ARPP21: variants seen among roughly 807,000 people sequenced by gnomAD.
ARPP21 encodes cAMP regulated phosphoprotein 21.
A neutral mutation model predicts 113.2 loss-of-function variants in ARPP21; 69 were observed. The ratio of observed to expected loss-of-function variants is 0.61; its 90% CI spans 0.50 to 0.74. The LOEUF is 0.74. ARPP21 is among the 30% of genes least tolerant of loss of function. ARPP21 has a pLI of 0.00. For missense variants in ARPP21, 1,070 were observed against 1,037.4 expected, an observed-to-expected ratio of 1.03 and a Z score of -0.43; for synonymous variants, 368 against 375.5, an observed-to-expected ratio of 0.98 and a Z score of 0.23.
chr3:35,686,219 C>T (rs1015236277), intron 5 of ARPP21, among the ~76,000 whole-genome samples: 2 of 151,576 alleles, frequency 1.3e-5, no homozygotes, highest in Non-Finnish European at 3.0e-5. Flanking sequence ...CAGAAATGTC[C>T]CAGTGATTTC....
chr3:35,746,582 C>A (rs1056850025), intron 19 of ARPP21, among the ~76,000 whole-genome samples: 1 of 152,204 alleles, frequency 6.6e-6, no homozygotes, highest in Non-Finnish European at 1.5e-5. Flanking sequence ...CTCCTGCCTC[C>A]TGCAGCTGTG....
intron 19 of ARPP21, among the ~76,000 whole-genome samples, chr3:35,746,562 C>T (rs868790043): frequency 6.6e-6 from 1 of 152,210 alleles, no homozygotes; most frequent in Non-Finnish European, 1.5e-5. Context: ...CATGTTTTAA[C>T]TTGTTCTTCC....
chr3:35,728,220 T>C (rs1453141389), intron 14 of ARPP21, among the ~76,000 whole-genome samples: 1 of 140,176 alleles, frequency 7.1e-6, no homozygotes, highest in Non-Finnish European at 1.6e-5. Flanking sequence ...CTTGCCTTTT[T>C]TTTTTTTTTT....
At chr3:35,704,668 GA>G (rs1329791454) in intron 9 of ARPP21, among the ~76,000 whole-genome samples, 1 of 151,814 alleles carries the variant, frequency 6.6e-6, no homozygotes, top group Non-Finnish European at 1.5e-5. Context: ...ATAATTATAG[GA>G]TTTAAAATTT....
At chr3:35,728,986 T>A (rs2093754486) in intron 14 of ARPP21, among the ~76,000 whole-genome samples, 1 of 152,144 alleles carries the variant, frequency 6.6e-6, no homozygotes, top group African/African-American at 2.4e-5. Context: ...AGGAGGGATT[T>A]TTCAGGTACT....
chr3:35,780,021 A>AT (rs945120839), intron 19 of ARPP21, among the ~76,000 whole-genome samples: 5 of 152,140 alleles, frequency 3.3e-5, no homozygotes, highest in African/African-American at 1.2e-4. Flanking sequence ...GTCTGTCCAG[A>AT]TTTTTTTACA....
chr3:35,737,270 C>A lies in ARPP21; in HGVS notation c.1552C>A (p.Gln518Lys). 1 of 1,612,658 alleles carries A rather than the reference C, an allele frequency of 6.2e-7. No homozygotes were observed. The change falls in exon 16 of 21, where the codon CAA becomes AAA. Residue 518 changes from glutamine (Q) to lysine (K), a missense_variant. Physicochemically the swap from Gln to Lys is moderately conservative, Grantham distance 53. Transcript: ENST00000684406. ...PLRSAMVGQS[Q>K]QQPPQQQPSP... ...GCGAAGCGCCATGGTGGGGCAGTCC[C>A]AACAGCAGCCACCACAGCAGCAGCC...
chr3:35,683,869 G>A, intron 5 of ARPP21, 54 bp downstream of exon 5: 1 of 961,642 alleles, frequency 1.0e-6, no homozygotes, highest in Non-Finnish European at 1.7e-6. Flanking sequence ...ACCTTTGTGT[G>A]CATGACTCTT....
In ARPP21 at chr3:35,640,223, C is replaced by CA. The variant is rs1014973818; in HGVS notation, c.-384dup. 5.3e-5 allele frequency: 8 copies of CA among 152,046 alleles called. No homozygotes were observed. Among genetic ancestry groups the CA allele is most frequent in the African/African-American group, 1.9e-4 (8 of 41,156 alleles). 9.4% of individuals were successfully genotyped at this position (152,046 alleles called of 1,614,324 possible). On this transcript the variant is annotated 5_prime_UTR_variant, in exon 1 of 21. Transcript: ENST00000684406. Reference sequence around the variant, plus strand: ...AGCAGTTAAATAAATCGACCAAAAACAAAACAAACAAACAAACCCAACAAC... The same window carrying CA: ...AGCAGTTAAATAAATCGACCAAAAACAAAAACAAACAAACAAACCCAACAAC...
Position 35,773,387 on chromosome 3 carries a change from G to A in ARPP21, c.2138-18995G>A, listed in dbSNP as rs190197358. The stretch of plus-strand genomic sequence containing the variant: ...TTGGCAGGGGAAGTAACTGCCGTAG[G>A]ATATACAAGGAGTCTGTCTTAAAGA... On this transcript the variant is annotated intron_variant, in intron 19 of 20. Coordinates refer to ENST00000684406, the MANE Select transcript of ARPP21 (RefSeq NM_001385562.1). Among the ~76,000 whole-genome samples, 713 of 152,208 alleles carry A rather than the reference G, an allele frequency of 4.7e-3. 7 individuals are homozygous for A. Among genetic ancestry groups the A allele is most frequent in the African/African-American group, 0.016 (682 of 41,518 alleles).
intron 15 of ARPP21, among the ~76,000 whole-genome samples, chr3:35,730,357 G>A (rs1021727344): frequency 1.7e-4 from 26 of 152,194 alleles, no homozygotes; most frequent in Admixed American, 7.9e-4. Flanking sequence ...AGGCCATTCC[G>A]CAATATCTGG....
At chr3:35,764,966 A>G (rs1044794137) in intron 19 of ARPP21, among the ~76,000 whole-genome samples, 1 of 152,220 alleles carries the variant, frequency 6.6e-6, no homozygotes, top group Middle Eastern at 3.4e-3. Flanking sequence ...TATTCCATTG[A>G]TTAAATGTGA....
Position 35,792,407 on chromosome 3 carries a change from A to G in ARPP21, c.2163A>G (p.Gln721=), listed in dbSNP as rs200852825. The G allele has an allele frequency of 1.9e-6, 3 of 1,614,066 alleles. No individual in the cohort carries two copies. Among genetic ancestry groups the G allele is most frequent in the Non-Finnish European group, 1.7e-6 (2 of 1,179,912 alleles). ...GTTACCAGCCAGTCTTGTCTGGTCA[A>G]CAGGGATTCCAAGGCCTAATAGGAG... ...QAGYQPVLSG[Q]QGFQGLIGVQ... The change falls in exon 20 of 21, where the codon CAA becomes CAG. Residue 721 remains glutamine, a synonymous_variant. Coordinates refer to ENST00000684406, the MANE Select transcript of ARPP21 (RefSeq NM_001385562.1).
chr3:35,754,938 CA>C (rs1446586200), intron 19 of ARPP21, among the ~76,000 whole-genome samples: 1 of 151,648 alleles, frequency 6.6e-6, no homozygotes, highest in African/African-American at 2.4e-5. Context: ...TTGGCGAAAA[CA>C]GAAAGAAAAA....
chr3:35,684,465 A>G, intron 5 of ARPP21: 1 of 982,978 alleles, frequency 1.0e-6, no homozygotes, highest in African/African-American at 1.7e-5. Context: ...AAACAAAATT[A>G]TTTCATGACA....
At chr3:35,644,709 G>A (rs753055651) in intron 1 of ARPP21, among the ~76,000 whole-genome samples, 8 of 151,882 alleles carry the variant, frequency 5.3e-5, no homozygotes, top group Admixed American at 2.0e-4. Flanking sequence ...TGAATGCATC[G>A]AATTGCTCTC....
At position 35,729,549 on chromosome 3, in the gene ARPP21, C is replaced by A; in HGVS notation, c.1459+13C>A. The A allele has an allele frequency of 6.3e-7, 1 of 1,597,560 alleles. No individual in the cohort carries two copies. Among genetic ancestry groups the A allele is most frequent in the Non-Finnish European group, 8.6e-7 (1 of 1,164,960 alleles). ...AATCCACACACAGGTGAGTTACTAC[C>A]TGCTTTATCAGGGACACAAGGCTTT... On this transcript the variant is annotated intron_variant, in intron 15 of 20. Coordinates refer to ENST00000684406, the MANE Select transcript of ARPP21 (RefSeq NM_001385562.1).
rs759546385 is a variant in ARPP21, at chr3:35,739,322, T to C, written c.1755T>C (p.Asp585=). 4 of 1,613,762 alleles carry C rather than the reference T, an allele frequency of 2.5e-6. No homozygotes were observed. Among genetic ancestry groups the C allele is most frequent in the Non-Finnish European group, 3.4e-6 (4 of 1,179,800 alleles). Residue 585 remains aspartate (D), a synonymous_variant, in exon 18 of 21, where the codon GAT becomes GAC. Transcript: ENST00000684406. ...VSPTQHFPMR[D]DVATQFGQMT... ...TTTATTTCCATGACTTGCAGAGAGA[T>C]GATGTGGCAACACAGTTTGGCCAGA...
intron 19 of ARPP21, among the ~76,000 whole-genome samples, chr3:35,759,871 A>G (rs966111598): frequency 6.6e-6 from 1 of 152,066 alleles, no homozygotes; most frequent in Non-Finnish European, 1.5e-5. Flanking sequence ...TTAAGTGTGG[A>G]AAACCAATGT....
Sources: allele counts gnomAD v4.1 joint callset (sites outside exome capture counted in the v4.1 genomes callset), GRCh38; gene constraint gnomAD v4.1.1; transcripts MANE v1.5; gene names NCBI Gene and HGNC (gene_info 2026-07-23, HGNC 2026-07-21).